The following NLRP5 variants were observed in gnomAD, a reference collection of about 807,000 sequenced individuals.
The protein encoded by NLRP5 is NLR family pyrin domain containing 5.
In NLRP5, 93 loss-of-function variants were observed where a neutral mutation model predicts 113.1. The ratio of observed to expected loss-of-function variants is 0.82; its 90% CI spans 0.70 to 0.98. The LOEUF is 0.98. Ranked by LOEUF, NLRP5 falls within the 50% of genes least tolerant of loss-of-function variation. The pLI, the probability that NLRP5 is intolerant of heterozygous loss-of-function variation, is 0.00. For missense variants in NLRP5, 1,808 were observed against 1,514.3 expected, an observed-to-expected ratio of 1.19 and a Z score of -3.22; for synonymous variants, 751 against 600.7, an observed-to-expected ratio of 1.25 and a Z score of -3.66.
chr19:55,997,108 G>T (rs866543019), upstream of NLRP5, among the ~76,000 whole-genome samples: 5 of 152,068 alleles, frequency 3.3e-5, no homozygotes, highest in African/African-American at 9.7e-5. Context: ...ATTTTTTCTT[G>T]TATCTGTTGG....
chr19:56,050,345 G>A, intron 11 of NLRP5, 73 bp from the exon 12 acceptor site: 2 of 1,413,352 alleles, frequency 1.4e-6, no homozygotes, highest in Non-Finnish European at 2.0e-6. Flanking sequence ...GCTGGGAGGA[G>A]AGCAGCAGCT....
upstream of NLRP5, among the ~76,000 whole-genome samples, chr19:55,998,705 T>C (rs1304975634): frequency 6.0e-5 from 1 of 16,532 alleles, no homozygotes; most frequent in Non-Finnish European, 1.5e-4. Context: ...TATATATATG[T>C]GTGTGTGTGT....
intron 2 of NLRP5, among the ~76,000 whole-genome samples, chr19:56,004,354 G>A (rs1981773496): frequency 6.6e-6 from 1 of 152,162 alleles, no homozygotes; most frequent in Non-Finnish European, 1.5e-5. Context: ...GATTTGGGTT[G>A]TAAGTGCTAA....
intron 14 of NLRP5, among the ~76,000 whole-genome samples, chr19:56,058,981 T>G (rs1055357725): frequency 6.6e-6 from 1 of 152,250 alleles, no homozygotes; most frequent in Non-Finnish European, 1.5e-5. Context: ...TGTAGGATTC[T>G]ACCTCGAAGA....
the NLRP5 span, among the ~76,000 whole-genome samples, chr19:55,989,038 G>A: frequency 0.22 from 32,697 of 152,024 alleles, 3,821 homozygotes; most frequent in Non-Finnish European, 0.26. Flanking sequence ...ATAGGAATGT[G>A]TAGAAAAGCT....
At chr19:56,014,468 C>A (rs76124647) in intron 3 of NLRP5, among the ~76,000 whole-genome samples, 3,938 of 119,164 alleles carry the variant, frequency 0.033, 181 homozygotes, top group African/African-American at 0.12. Flanking sequence ...GACAGAGAAA[C>A]GCTCCATCTC....
intron 12 of NLRP5, among the ~76,000 whole-genome samples, chr19:56,052,772 A>G (rs529189027): frequency 1.3e-5 from 2 of 152,330 alleles, no homozygotes; most frequent in Admixed American, 1.3e-4. Flanking sequence ...TAGAAGCACA[A>G]AACTTCCCCT....
At chr19:56,034,998 G>A (rs1983259484) in intron 9 of NLRP5, among the ~76,000 whole-genome samples, 2 of 152,130 alleles carry the variant, frequency 1.3e-5, no homozygotes, top group South Asian at 2.1e-4. Context: ...GAGTGCAGTG[G>A]CATGATCTCA....
chr19:55,990,687 T>A, the NLRP5 span, among the ~76,000 whole-genome samples: 48 of 151,946 alleles, frequency 3.2e-4, no homozygotes, highest in African/African-American at 1.2e-3. Context: ...TAGCCGGGCA[T>A]GGTGGTGGGC....
the NLRP5 span, among the ~76,000 whole-genome samples, chr19:55,986,817 A>G: frequency 6.6e-6 from 1 of 151,972 alleles, no homozygotes; most frequent in Non-Finnish European, 1.5e-5. Flanking sequence ...TGAGGTGTGA[A>G]GCTGGTGAGT....
At chr19:56,008,019 C>T (rs371503658) in intron 2 of NLRP5, among the ~76,000 whole-genome samples, 1 of 131,866 alleles carries the variant, frequency 7.6e-6, no homozygotes, top group African/African-American at 2.7e-5. Flanking sequence ...AACTCCGCCT[C>T]CCGGGTTCGT....
chr19:56,001,383 C>T (rs1332214505), intron 1 of NLRP5, among the ~76,000 whole-genome samples: 1 of 150,752 alleles, frequency 6.6e-6, no homozygotes, highest in Non-Finnish European at 1.5e-5. Context: ...GCTACCATGA[C>T]ATTTCTAGGC....
At chr19:56,007,889 G>GTGTGAGCA (rs748749686) in intron 2 of NLRP5, among the ~76,000 whole-genome samples, 1 of 86,222 alleles carries the variant, frequency 1.2e-5, no homozygotes, top group South Asian at 3.7e-4. Flanking sequence ...GTGTGTGTGT[G>GTGTGAGCA]CGCGTGCGCG....
intron 10 of NLRP5, among the ~76,000 whole-genome samples, chr19:56,039,566 C>T (rs1983442775): frequency 6.6e-6 from 1 of 152,150 alleles, no homozygotes; most frequent in Non-Finnish European, 1.5e-5. Context: ...CGGGAAAACA[C>T]CTATCACTCA....
At position 56,032,601 on chromosome 19, in the gene NLRP5, CCT is replaced by C. The variant is rs1568493795; in HGVS notation, c.2277-9_2277-8del. ...CCCATGAGCCCATGTTTCTATCCCC[CCT>C]GACATAGGATGCGGGATAAGACCCT... is the stretch of plus-strand genomic sequence containing the variant. On this transcript the variant is annotated splice_polypyrimidine_tract_variant and splice_region_variant and intron_variant, in intron 7 of 14. Coordinates refer to ENST00000390649, the MANE Select transcript of NLRP5 (RefSeq NM_153447.4). 1 of 1,609,042 alleles carries C rather than the reference CCT, an allele frequency of 6.2e-7. No individual in the cohort carries two copies. Among genetic ancestry groups the C allele is most frequent in the South Asian group, 1.1e-5 (1 of 90,248 alleles).
At chr19:56,010,180 C>T (rs796615429) in intron 3 of NLRP5, among the ~76,000 whole-genome samples, 3 of 151,572 alleles carry the variant, frequency 2.0e-5, no homozygotes, top group African/African-American at 7.3e-5. Flanking sequence ...TTGGATCACG[C>T]ACCGTGCCAG....
At chr19:56,032,330 G>T (rs1983148718) in intron 7 of NLRP5, among the ~76,000 whole-genome samples, 1 of 149,546 alleles carries the variant, frequency 6.7e-6, no homozygotes, top group Admixed American at 6.7e-5. Flanking sequence ...GGGCAACGGA[G>T]CGAGACTCCA....
chr19:56,003,631 T>C (rs1221563184), intron 1 of NLRP5, 105 bp from the exon 2 acceptor site: 4 of 1,343,440 alleles, frequency 3.0e-6, no homozygotes, highest in Admixed American at 2.3e-5. Context: ...CCATGAAGAA[T>C]TGAAAAGAGA....
chr19:56,028,477 G>T lies in NLRP5; in HGVS notation c.2244G>T (p.Glu748Asp). Residue 748 changes from glutamate to aspartate, a missense_variant, in exon 7 of 15, where the codon GAG becomes GAT. By Grantham distance (45) the Glu-to-Asp change is conservative (BLOSUM62 2). Transcript: ENST00000390649. The stretch of plus-strand genomic sequence containing the variant: ...TCAAAGGGATCTTCCCAAGAGATGA[G>T]TCCGCTGAGGCATGTCCTGTGGTCC... 6.2e-7 allele frequency: 1 copy of T among 1,613,750 alleles called. No homozygotes were observed.
Sources: allele counts gnomAD v4.1 joint callset (sites outside exome capture counted in the v4.1 genomes callset), GRCh38; gene constraint gnomAD v4.1.1; transcripts MANE v1.5; gene names NCBI Gene and HGNC (gene_info 2026-07-23, HGNC 2026-07-21).